Variants in ABLIM2 observed in about 807,000 individuals in gnomAD.
ABLIM2 encodes actin binding LIM protein family member 2.
ABLIM2 carries 53 observed loss-of-function variants against 97.7 expected under a neutral mutation model. The ratio of observed to expected loss-of-function variants is 0.54; its 90% CI spans 0.44 to 0.68. ABLIM2 has a LOEUF of 0.68. ABLIM2 is among the 30% of genes least tolerant of loss of function. ABLIM2 has a pLI of 0.00. For missense variants in ABLIM2, 835 were observed against 867.2 expected, an observed-to-expected ratio of 0.96 and a Z score of 0.47; for synonymous variants, 361 against 345.8, an observed-to-expected ratio of 1.04 and a Z score of -0.49.
chr4:8,000,815 TG>T (rs1469735632), intron 16 of ABLIM2, among the ~76,000 whole-genome samples: 14 of 152,120 alleles, frequency 9.2e-5, no homozygotes, highest in African/African-American at 3.1e-4. Flanking sequence ...TAAGAGTCCA[TG>T]GGGAGAAAAG....
At position 8,085,725 on chromosome 4, in the gene ABLIM2, T is replaced by C. The variant is rs1485670947; in HGVS notation, c.454+2444A>G. Among the ~76,000 whole-genome samples, 2 of 152,056 alleles carry C rather than the reference T, an allele frequency of 1.3e-5. No homozygotes were observed. Among genetic ancestry groups the C allele is most frequent in the African/African-American group, 4.8e-5 (2 of 41,388 alleles). On this transcript the variant is annotated intron_variant, in intron 4 of 20. Coordinates refer to ENST00000447017, the MANE Select transcript of ABLIM2 (RefSeq NM_001130083.2). The surrounding 1 kb of genome is among the most constrained non-coding windows in gnomAD (Gnocchi z 6.1). ...CTGCAGCCCCGTCCACTCACGCGGG[T>C]CTGGGGGGTGCACCCAGCACATTTC...
intron 20 of ABLIM2, among the ~76,000 whole-genome samples, chr4:7,980,777 T>C (rs9685030): frequency 0.17 from 25,536 of 150,988 alleles, 2,715 homozygotes; most frequent in East Asian, 0.5. Flanking sequence ...CATTCCAGAA[T>C]CCCTTTCCCT....
chr4:8,035,453 C>A (rs1016382863), intron 10 of ABLIM2, among the ~76,000 whole-genome samples: 1 of 152,184 alleles, frequency 6.6e-6, no homozygotes, highest in Admixed American at 6.5e-5. Flanking sequence ...CCCCGGGGAG[C>A]CCCCCATGCC....
intron 6 of ABLIM2, among the ~76,000 whole-genome samples, chr4:8,062,587 C>T (rs559102110): frequency 1.3e-5 from 2 of 152,084 alleles, no homozygotes; most frequent in Non-Finnish European, 2.9e-5. Flanking sequence ...TACAGACCCC[C>T]ACCACCACGC....
At chr4:8,137,530 G>A (rs181427178) in intron 1 of ABLIM2, among the ~76,000 whole-genome samples, 57 of 152,332 alleles carry the variant, frequency 3.7e-4, no homozygotes, top group African/African-American at 1.3e-3. Flanking sequence ...CTGGGGAAGG[G>A]CCTGGCCCTC....
chr4:8,142,285 G>T (rs10025877), intron 1 of ABLIM2, among the ~76,000 whole-genome samples: 32,970 of 152,050 alleles, frequency 0.22, 4,197 homozygotes, highest in African/African-American at 0.35. Flanking sequence ...GCTCCCAGCT[G>T]GTCTCTCCTG....
chr4:8,133,020 G>A (rs1220479750), intron 1 of ABLIM2, among the ~76,000 whole-genome samples: 1 of 152,168 alleles, frequency 6.6e-6, no homozygotes, highest in Non-Finnish European at 1.5e-5. Context: ...GGGGTTGTGA[G>A]GACAACGCAG....
chr4:8,035,347 C>A (rs1419731097), intron 10 of ABLIM2, among the ~76,000 whole-genome samples: 2 of 152,150 alleles, frequency 1.3e-5, no homozygotes, highest in Non-Finnish European at 1.5e-5. Flanking sequence ...ACGCGCTGCC[C>A]TGGAGTCTCA....
At chr4:7,968,401 C>G (rs967190728) in intron 20 of ABLIM2, among the ~76,000 whole-genome samples, 2 of 152,238 alleles carry the variant, frequency 1.3e-5, no homozygotes, top group African/African-American at 2.4e-5. Flanking sequence ...CAGCATTACT[C>G]TAAATCACTG....
At position 8,147,430 on chromosome 4, in the gene ABLIM2, T is replaced by C. The variant is rs1246270509; in HGVS notation, c.10+11250A>G. Among the ~76,000 whole-genome samples, 4 of 152,010 alleles carry C rather than the reference T, an allele frequency of 2.6e-5. No homozygotes were observed. Among genetic ancestry groups the C allele is most frequent in the Non-Finnish European group, 4.4e-5 (3 of 68,018 alleles). ...TCTAATCGCTAAAACCTGTGACATA[T>C]ATGGTTAAAAGGGGAGGGGTCTTTG... On this transcript the variant is annotated intron_variant, in intron 1 of 20. Transcript: ENST00000447017. The surrounding 1 kb of genome is among the most constrained non-coding windows in gnomAD (Gnocchi z 5.3).
chr4:8,053,250 G>T (rs758044972), intron 8 of ABLIM2, among the ~76,000 whole-genome samples: 1 of 152,160 alleles, frequency 6.6e-6, no homozygotes, highest in East Asian at 1.9e-4. Flanking sequence ...CCCATGACCT[G>T]GAAGCCCCCT....
At position 8,106,622 on chromosome 4, in the gene ABLIM2, G is replaced by C; in HGVS notation, c.26C>G (p.Ala9Gly). Residue 9 changes from alanine (A) to glycine (G), a missense_variant, in exon 2 of 21, where the codon GCT (alanine) becomes GGT (glycine). Ala to Gly is a moderately conservative substitution (Grantham distance 60). Transcript: ENST00000447017. ...CGACTTCTCCAGCGGGCTGGGAGCAGCCTGGGGCTGCGACACTGTTGGGAA... is the reference window on the plus strand; with the variant it reads ...CGACTTCTCCAGCGGGCTGGGAGCACCCTGGGGCTGCGACACTGTTGGGAA... MSAVSQPQ[A>G]APSPLEKSPS... is the part of the protein sequence containing the mutation. The C allele has an allele frequency of 6.2e-7, 1 of 1,609,584 alleles. No individual in the cohort carries two copies. Among genetic ancestry groups the C allele is most frequent in the Non-Finnish European group, 8.5e-7 (1 of 1,177,938 alleles).
chr4:8,042,351 T>G (rs1262493920), intron 9 of ABLIM2, among the ~76,000 whole-genome samples: 1 of 152,198 alleles, frequency 6.6e-6, no homozygotes, highest in Non-Finnish European at 1.5e-5. Context: ...GGAGCCATTC[T>G]CTGACCTAGC....
chr4:8,036,021 G>A lies in ABLIM2; in HGVS notation c.1047+128C>T, dbSNP rs1784269843. The stretch of plus-strand genomic sequence containing the variant: ...TATCTGATGGGCGTGAAGAGGCTGA[G>A]CGTGTGGGTGAGTGGTGAAGATGGA... On this transcript the variant is annotated intron_variant, in intron 10 of 20. Coordinates refer to ENST00000447017, the MANE Select transcript of ABLIM2 (RefSeq NM_001130083.2). The A allele has an allele frequency of 3.4e-6, 4 of 1,162,646 alleles. No individual in the cohort carries two copies. In the East Asian group the frequency reaches 1.0e-4, roughly 30 times the overall value. 72.0% of individuals were successfully genotyped at this position (1,162,646 alleles called of 1,614,324 possible).
rs796093612 is a variant in ABLIM2, at chr4:8,125,127, C to T, written c.11-18490G>A. Among the ~76,000 whole-genome samples, 7 of 152,308 alleles carry T rather than the reference C, an allele frequency of 4.6e-5. No individual in the cohort carries two copies. Among genetic ancestry groups the T allele is most frequent in the African/African-American group, 1.7e-4 (7 of 41,564 alleles). On this transcript the variant is annotated intron_variant, in intron 1 of 20. Coordinates refer to ENST00000447017, the MANE Select transcript of ABLIM2 (RefSeq NM_001130083.2). The surrounding 1 kb of genome is among the most constrained non-coding windows in gnomAD (Gnocchi z 6.2). ...TATATTCGAGATACAAGTCCCGTGT[C>T]AGCTTGCTAATTTGCAAATATTTTC...
At chr4:8,037,523 CCCCAGG>C (rs954049490) in intron 9 of ABLIM2, among the ~76,000 whole-genome samples, 3 of 151,956 alleles carry the variant, frequency 2.0e-5, no homozygotes, top group African/African-American at 7.3e-5. Context: ...TGCAATCACT[CCCCAGG>C]CCCATGGCTC....
rs1848752991 is a variant in ABLIM2 at position 8,128,226 on chromosome 4, C to T, written c.11-21589G>A. Reference sequence around the variant, plus strand: ...TCCTTTTTAGTCTCTTATGAGGACACCAGTCACTGCATTTGGGGTCCGCCC... The same window carrying T: ...TCCTTTTTAGTCTCTTATGAGGACATCAGTCACTGCATTTGGGGTCCGCCC... On this transcript the variant is annotated intron_variant, in intron 1 of 20. Coordinates refer to ENST00000447017, the MANE Select transcript of ABLIM2 (RefSeq NM_001130083.2). The surrounding 1 kb of genome is among the most constrained non-coding windows in gnomAD (Gnocchi z 4.9). Among the ~76,000 whole-genome samples the T allele has an allele frequency of 6.6e-6, 1 of 152,200 alleles. No individual in the cohort carries two copies. The highest frequency in any genetic ancestry group is 2.4e-5 in the African/African-American group (1 of 41,442).
At chr4:8,036,069 A>G (rs1784293659) in intron 10 of ABLIM2, 80 bp downstream of exon 10, 6 of 1,527,840 alleles carry the variant, frequency 3.9e-6, no homozygotes, top group Non-Finnish European at 5.3e-6. Flanking sequence ...CCCATAGGAC[A>G]CATGCTAGGG....
intron 20 of ABLIM2, among the ~76,000 whole-genome samples, chr4:7,975,323 C>G (rs1157972414): frequency 6.6e-6 from 1 of 152,262 alleles, no homozygotes; most frequent in Admixed American, 6.5e-5. Context: ...CTTATGAGCT[C>G]TGTGTGCTGA....
Sources: gnomAD v4.1 joint callset for allele counts (sites outside exome capture counted in the v4.1 genomes callset) on GRCh38, gnomAD v4.1.1 for gene constraint, Gnocchi (gnomAD v3.1) non-coding constraint, MANE v1.5 for transcripts, NCBI Gene and HGNC (gene_info 2026-07-23, HGNC 2026-07-21) for gene names.